Variants in BTBD9 observed in about 807,000 individuals in gnomAD.
BTBD9 encodes the protein BTB domain containing 9, also known as BTB/POZ domain-containing protein 9.
A neutral mutation model predicts 64.3 loss-of-function variants in BTBD9; 49 were observed. The ratio of observed to expected loss-of-function variants is 0.76; its 90% CI spans 0.61 to 0.97. BTBD9 has a LOEUF of 0.97. BTBD9 is among the 50% of genes least tolerant of loss of function. The pLI is 0.00. For missense variants in BTBD9, 598 were observed against 762.1 expected (o/e 0.78, Z 2.53); for synonymous variants, 260 against 274.7 (o/e 0.95, Z 0.53).
chr6:38,591,748 A>G (rs988394402), intron 4 of BTBD9, among the ~76,000 whole-genome samples: 6 of 152,182 alleles, frequency 3.9e-5, no homozygotes, highest in African/African-American at 1.4e-4. Context: ...TTCTTGATAC[A>G]TACTATGCAC....
intron 6 of BTBD9, among the ~76,000 whole-genome samples, chr6:38,365,271 T>C (rs958367110): frequency 1.3e-5 from 2 of 152,100 alleles, no homozygotes; most frequent in Non-Finnish European, 2.9e-5. Context: ...ATAACCAGAG[T>C]GTTTAACTAA....
At chr6:38,637,944 C>T (rs1310871702) in intron 1 of BTBD9, among the ~76,000 whole-genome samples, 1 of 152,182 alleles carries the variant, frequency 6.6e-6, no homozygotes, top group Non-Finnish European at 1.5e-5. Context: ...CGCCTTAATC[C>T]TTAACACTTT....
chr6:38,209,450 C>T (rs1173956298), intron 9 of BTBD9, among the ~76,000 whole-genome samples: 1 of 152,174 alleles, frequency 6.6e-6, no homozygotes, highest in Non-Finnish European at 1.5e-5. Flanking sequence ...AACTACAGTC[C>T]TCACTTCCTG....
chr6:38,592,922 G>A, intron 3 of BTBD9, 82 bp from the exon 4 acceptor site: 1 of 1,410,052 alleles, frequency 7.1e-7, no homozygotes, highest in East Asian at 2.3e-5. Context: ...TACAGGACAA[G>A]TATAACTTAG....
chr6:38,346,259 A>T (rs1335824036), intron 6 of BTBD9, among the ~76,000 whole-genome samples: 1 of 152,210 alleles, frequency 6.6e-6, no homozygotes, highest in African/African-American at 2.4e-5. Context: ...TTAACTGTAT[A>T]ATGTAAATGC....
intron 2 of BTBD9, among the ~76,000 whole-genome samples, chr6:38,596,565 C>G (rs1777037563): frequency 6.6e-6 from 1 of 151,736 alleles, no homozygotes; most frequent in Non-Finnish European, 1.5e-5. Flanking sequence ...CTTTGGGAGG[C>G]TGAGGCGGGC....
chr6:38,284,451 C>T (rs559387431), intron 8 of BTBD9, among the ~76,000 whole-genome samples: 1 of 152,268 alleles, frequency 6.6e-6, no homozygotes, highest in South Asian at 2.1e-4. Context: ...GCCAAGGTGG[C>T]CTTGCCACAT....
intron 7 of BTBD9, among the ~76,000 whole-genome samples, chr6:38,289,758 A>G (rs1761885690): frequency 1.3e-5 from 2 of 152,152 alleles, no homozygotes; most frequent in Admixed American, 6.6e-5. Context: ...CTCTCTCTAT[A>G]TAACTCAAGT....
intron 6 of BTBD9, among the ~76,000 whole-genome samples, chr6:38,512,884 T>C (rs573896399): frequency 6.6e-5 from 10 of 152,328 alleles, no homozygotes; most frequent in African/African-American, 2.4e-4. Flanking sequence ...TTATGGTATA[T>C]GTAATGTAAA....
At chr6:38,279,078 G>T (rs1250836898) in intron 8 of BTBD9, among the ~76,000 whole-genome samples, 3 of 152,100 alleles carry the variant, frequency 2.0e-5, no homozygotes, top group Non-Finnish European at 4.4e-5. Flanking sequence ...GTCCTTGACG[G>T]GCACCAACCA....
intron 1 of BTBD9, among the ~76,000 whole-genome samples, chr6:38,616,966 C>G (rs1279535949): frequency 6.6e-6 from 1 of 152,152 alleles, no homozygotes; most frequent in African/African-American, 2.4e-5. Context: ...GGGGACTTGT[C>G]CAGGATATCG....
intron 1 of BTBD9, among the ~76,000 whole-genome samples, chr6:38,601,303 G>A (rs1007538347): frequency 1.3e-5 from 2 of 152,160 alleles, no homozygotes; most frequent in Admixed American, 6.5e-5. Flanking sequence ...AGATGTAAAA[G>A]ATACTAACAA....
intron 6 of BTBD9, among the ~76,000 whole-genome samples, chr6:38,406,775 G>A (rs1475652729): frequency 6.6e-6 from 1 of 152,198 alleles, no homozygotes; most frequent in Non-Finnish European, 1.5e-5. Flanking sequence ...TGCCCAGGCT[G>A]GAGTGCAGTG....
chr6:38,267,764 C>A (rs576005091), intron 8 of BTBD9, among the ~76,000 whole-genome samples: 1 of 152,230 alleles, frequency 6.6e-6, no homozygotes, highest in Non-Finnish European at 1.5e-5. Context: ...CATGGTGAAA[C>A]CCCGTCTCTA....
chr6:38,215,837 A>T (rs570292071), intron 9 of BTBD9, among the ~76,000 whole-genome samples: 3 of 152,144 alleles, frequency 2.0e-5, no homozygotes, highest in Non-Finnish European at 4.4e-5. Context: ...TAGATCTGAA[A>T]CTCCATACTG....
At chr6:38,618,441 C>T (rs993676097) in intron 1 of BTBD9, among the ~76,000 whole-genome samples, 2 of 152,192 alleles carry the variant, frequency 1.3e-5, no homozygotes, top group Non-Finnish European at 2.9e-5. Flanking sequence ...AATTTACATT[C>T]CACAGGAGGA....
intron 9 of BTBD9, among the ~76,000 whole-genome samples, chr6:38,232,798 T>C (rs1763656641): frequency 6.6e-6 from 1 of 152,118 alleles, no homozygotes; most frequent in South Asian, 2.1e-4. Flanking sequence ...TGCGCCTGGC[T>C]GAGGCCTTTT....
intron 6 of BTBD9, among the ~76,000 whole-genome samples, chr6:38,484,348 A>G (rs4714169): frequency 0.99 from 150,985 of 152,384 alleles, 74,809 homozygotes; most frequent in South Asian, 1. Flanking sequence ...GCAGATGGGC[A>G]AAAGTTCTAG....
At chr6:38,444,239 ACT>A (rs58394514) in intron 6 of BTBD9, among the ~76,000 whole-genome samples, 1,917 of 152,202 alleles carry the variant, frequency 0.013, 46 homozygotes, top group African/African-American at 0.044. Flanking sequence ...GGGAACTAAT[ACT>A]CTGAGAACAG....
Sources: gnomAD v4.1 joint callset for allele counts (sites outside exome capture counted in the v4.1 genomes callset) on GRCh38, gnomAD v4.1.1 for gene constraint, MANE v1.5 for transcripts, NCBI Gene and HGNC (gene_info 2026-07-23, HGNC 2026-07-21) for gene names.